The following AXIN1 variants were observed in gnomAD, a reference collection of about 807,000 sequenced individuals.
AXIN1 encodes axin-1.
A neutral mutation model predicts 76.4 loss-of-function variants in AXIN1; 30 were observed. The ratio of observed to expected loss-of-function variants is 0.39; its 90% CI spans 0.29 to 0.53. AXIN1 has a LOEUF of 0.53. AXIN1 is among the 20% of genes least tolerant of loss of function. The pLI is 0.66. For synonymous variants in AXIN1, 545 were observed against 501.4 expected, an observed-to-expected ratio of 1.09 and a Z score of -1.16; for missense variants, 1,140 against 1,198.8, an observed-to-expected ratio of 0.95 and a Z score of 0.72.
chr16:299,869 A>G (rs191673660), intron 5 of AXIN1, among the ~76,000 whole-genome samples: 1,548 of 148,268 alleles, frequency 0.01, 39 homozygotes, highest in African/African-American at 0.037. Context: ...GTTAGCCAGG[A>G]TGGTCTCGAT....
intron 2 of AXIN1, among the ~76,000 whole-genome samples, chr16:326,172 G>A (rs2053574844): frequency 6.6e-6 from 1 of 151,560 alleles, no homozygotes; most frequent in Non-Finnish European, 1.5e-5. Context: ...GGCTAAAATG[G>A]TGAAACCCCA....
At chr16:331,037 G>A (rs2053680466) in intron 2 of AXIN1, among the ~76,000 whole-genome samples, 1 of 152,142 alleles carries the variant, frequency 6.6e-6, no homozygotes, top group South Asian at 2.1e-4. Context: ...AGCCTCCTCA[G>A]CAGAAGTCTG....
chr16:293,807 T>C lies in AXIN1; in HGVS notation c.1956-89A>G. On this transcript the variant is annotated intron_variant, in intron 7 of 10. Coordinates refer to ENST00000262320, the MANE Select transcript of AXIN1 (RefSeq NM_003502.4). This position sits in a 1 kb window ranked among gnomAD's most constrained non-coding sequence, Gnocchi z 4.6. ...CTACACTCATCTCACAAGGGCAGCCTCCTTGAGGGATAGGATGGGATGGGG... is the reference window on the plus strand; with the variant it reads ...CTACACTCATCTCACAAGGGCAGCCCCCTTGAGGGATAGGATGGGATGGGG... 1.5e-6 allele frequency: 2 copies of C among 1,299,198 alleles called. No individual in the cohort carries two copies. The highest frequency in any genetic ancestry group is 2.4e-5 in the South Asian group (2 of 84,944). The allele number at this position is 1,299,198 out of a possible 1,614,324, so 80.5% of individuals were successfully genotyped here.
rs1436071949 is a variant in AXIN1 at position 298,163 on chromosome 16, G to A, written c.1343C>T (p.Pro448Leu). The change falls in exon 6 of 11, where the codon CCG (proline) becomes CTG (leucine). Residue 448 changes from proline (P) to leucine (L), a missense_variant. By Grantham distance (98) the Pro-to-Leu change is moderately conservative. Coordinates refer to ENST00000262320, the MANE Select transcript of AXIN1 (RefSeq NM_003502.4). ...ACAGCCCATGTCCACACAGCGGGGCGGGAAGTGGTGCCAAGCGGGGGCGGG... is the reference window on the plus strand; with the variant it reads ...ACAGCCCATGTCCACACAGCGGGGCAGGAAGTGGTGCCAAGCGGGGGCGGG... ...LPPAPAWHHF[P>L]PRCVDMGCAG... is the part of the protein sequence containing the mutation. 1.1e-5 allele frequency: 17 copies of A among 1,543,094 alleles called. No individual in the cohort carries two copies. Among genetic ancestry groups the A allele is most frequent in the East Asian group, 2.4e-5 (1 of 41,022 alleles).
chr16:325,788 G>A (rs369889284), intron 2 of AXIN1, among the ~76,000 whole-genome samples: 5 of 152,162 alleles, frequency 3.3e-5, no homozygotes, highest in African/African-American at 7.2e-5. Context: ...CTCTCATGAC[G>A]GGGCCTTCGG....
chr16:347,188 AC>A, intron 1 of AXIN1, 82 bp from the exon 2 acceptor site: 1 of 1,215,742 alleles, frequency 8.2e-7, no homozygotes, highest in Non-Finnish European at 1.2e-6. Flanking sequence ...GACAAGACTC[AC>A]GATGACGCCC....
In AXIN1 at chr16:295,946, G is replaced by A. The variant is rs148445203; in HGVS notation, c.1955+1110C>T. 2.5e-3 allele frequency among the ~76,000 whole-genome samples: 370 copies of A among 149,886 alleles called. 3 individuals are homozygous for A. The highest frequency in any genetic ancestry group is 4.0e-3 in the Non-Finnish European group (272 of 67,486). On this transcript the variant is annotated intron_variant, in intron 7 of 10. Coordinates refer to ENST00000262320, the MANE Select transcript of AXIN1 (RefSeq NM_003502.4). ...TGCACCACTGCACTCCAGCCCGGGC[G>A]ACAGAGCTAGACTCCGTCTCAAAAA...
chr16:350,953 G>A (rs1452044217), intron 1 of AXIN1, among the ~76,000 whole-genome samples: 3 of 152,044 alleles, frequency 2.0e-5, no homozygotes, highest in Non-Finnish European at 4.4e-5. Context: ...CCCACATACA[G>A]AAACCCCATC....
intron 5 of AXIN1, among the ~76,000 whole-genome samples, chr16:302,382 GC>G (rs764140946): frequency 6.6e-6 from 1 of 152,250 alleles, no homozygotes. Flanking sequence ...AGAGGATGCA[GC>G]TCCACATGGT....
intron 2 of AXIN1, among the ~76,000 whole-genome samples, chr16:329,433 G>A (rs993014431): frequency 3.9e-5 from 6 of 152,056 alleles, no homozygotes; most frequent in African/African-American, 1.4e-4. Flanking sequence ...CCATTTCTTT[G>A]TTCTGTGTTT....
intron 5 of AXIN1, among the ~76,000 whole-genome samples, chr16:302,876 A>G (rs1447516057): frequency 6.6e-6 from 1 of 152,200 alleles, no homozygotes. Flanking sequence ...TGGCTAAGAG[A>G]AAAGCAAAGG....
intron 2 of AXIN1, among the ~76,000 whole-genome samples, chr16:331,228 TAAAAATTCTGTACATGAAAAA>T (rs1353803302): frequency 6.8e-6 from 1 of 146,452 alleles, no homozygotes; most frequent in African/African-American, 2.5e-5. Context: ...CTAGTTAAGG[TAAAAATTCTGTACATGAAAAA>T]AAAAATTCTG....
At chr16:298,743 T>C (rs1222297887) in intron 5 of AXIN1, among the ~76,000 whole-genome samples, 1 of 151,832 alleles carries the variant, frequency 6.6e-6, no homozygotes, top group African/African-American at 2.4e-5. Context: ...ATGCCTGAGC[T>C]CAAGCAATCT....
chr16:351,751 T>A (rs201994583), intron 1 of AXIN1, among the ~76,000 whole-genome samples: 9,832 of 105,688 alleles, frequency 0.093, 344 homozygotes, highest in Middle Eastern at 0.12. Flanking sequence ...ACAAAAAATA[T>A]ATATATATAT....
chr16:345,574 C>T (rs766919658), intron 2 of AXIN1, among the ~76,000 whole-genome samples: 1 of 152,124 alleles, frequency 6.6e-6, no homozygotes, highest in African/African-American at 2.4e-5. Flanking sequence ...ATTAGCCGGG[C>T]GTGGTGGCAC....
intron 2 of AXIN1, among the ~76,000 whole-genome samples, chr16:345,149 C>T (rs922701081): frequency 2.6e-5 from 4 of 151,650 alleles, no homozygotes; most frequent in Admixed American, 6.5e-5. Flanking sequence ...GAAGGAAGAA[C>T]GAAGAAACAG....
chr16:310,006 C>G lies in AXIN1; in HGVS notation c.1083G>C (p.Gln361His). The G allele has an allele frequency of 6.2e-7, 1 of 1,613,514 alleles. No homozygotes were observed. Among genetic ancestry groups the G allele is most frequent in the Non-Finnish European group, 8.5e-7 (1 of 1,179,992 alleles). The change falls in exon 4 of 11, where the codon CAG (glutamine) becomes CAC (histidine). Residue 361 changes from glutamine (Q) to histidine (H), a missense_variant. Gln to His is a conservative substitution (Grantham distance 24). This residue lies in a region of AXIN1 where 708 missense variants were observed against 776.9 expected (regional missense o/e 0.91). Coordinates refer to ENST00000262320, the MANE Select transcript of AXIN1 (RefSeq NM_003502.4). ...QHRREMQESV[Q>H]VNGRVPLPHI... ...GAGGTAGGGGCACCCGCCCATTGACCTGCACGCTCTCCTGCATCTCCCTGC... is the reference window on the plus strand; with the variant it reads ...GAGGTAGGGGCACCCGCCCATTGACGTGCACGCTCTCCTGCATCTCCCTGC...
At chr16:327,872 A>G (rs2053615799) in intron 2 of AXIN1, among the ~76,000 whole-genome samples, 1 of 152,266 alleles carries the variant, frequency 6.6e-6, no homozygotes, top group Non-Finnish European at 1.5e-5. Context: ...TGTCCTGCAC[A>G]TTAGTTAGGG....
At chr16:351,899 G>A (rs2054152533) in intron 1 of AXIN1, among the ~76,000 whole-genome samples, 1 of 152,164 alleles carries the variant, frequency 6.6e-6, no homozygotes, top group South Asian at 2.1e-4. Context: ...AGTGCGGGGC[G>A]GGGGTAGAAT....
Sources: allele counts gnomAD v4.1 joint callset (sites outside exome capture counted in the v4.1 genomes callset), GRCh38; gene constraint gnomAD v4.1.1; regional missense constraint gnomAD v4.1.1; non-coding constraint Gnocchi (gnomAD v3.1); transcripts MANE v1.5; gene names NCBI Gene and HGNC (gene_info 2026-07-23, HGNC 2026-07-21).